Variants in WWOX observed in about 807,000 individuals in gnomAD.
The protein encoded by WWOX is WW domain-containing oxidoreductase.
Under a neutral mutation model 46.2 loss-of-function variants are expected in WWOX, and 69 were observed. The observed-to-expected ratio is 1.49, with a 90% CI of 1.23 to 1.82. The LOEUF is 1.82. Among genes scored for constraint, WWOX ranks in the 40% most tolerant of loss-of-function variants. WWOX has a pLI of 0.00. For synonymous variants in WWOX, 359 were observed against 202.6 expected (o/e 1.77, Z -6.56); for missense variants, 919 against 542.6 (o/e 1.69, Z -6.89).
chr16:78,184,234 G>A (rs1252582863), intron 5 of WWOX, among the ~76,000 whole-genome samples: 1 of 152,004 alleles, frequency 6.6e-6, no homozygotes, highest in African/African-American at 2.4e-5. Flanking sequence ...ACTTCAGCCA[G>A]AGGTAGGATA....
intron 5 of WWOX, among the ~76,000 whole-genome samples, chr16:78,361,518 C>G (rs2081409650): frequency 6.6e-6 from 1 of 152,154 alleles, no homozygotes; most frequent in Non-Finnish European, 1.5e-5. Context: ...TGATGCTTGG[C>G]TAGTGGTGAC....
intron 8 of WWOX, among the ~76,000 whole-genome samples, chr16:78,613,346 C>T (rs1000098986): frequency 3.9e-5 from 6 of 152,150 alleles, no homozygotes; most frequent in African/African-American, 1.4e-4. Flanking sequence ...GATTTGTCCC[C>T]ATGCTGTGTC....
chr16:78,409,513 C>T (rs1214877201), intron 6 of WWOX, among the ~76,000 whole-genome samples: 10 of 152,132 alleles, frequency 6.6e-5, no homozygotes, highest in Admixed American at 6.6e-4. Context: ...ATAATGCATG[C>T]AGTATTTGTC....
intron 8 of WWOX, among the ~76,000 whole-genome samples, chr16:78,888,995 C>T (rs942586772): frequency 6.6e-6 from 1 of 152,028 alleles, no homozygotes; most frequent in African/African-American, 2.4e-5. Context: ...TCCTCCTCAC[C>T]ACCTCCAGCT....
intron 8 of WWOX, among the ~76,000 whole-genome samples, chr16:79,141,783 C>G (rs1003069088): frequency 1.3e-5 from 2 of 151,942 alleles, no homozygotes; most frequent in Non-Finnish European, 2.9e-5. Context: ...TCCATTGCTT[C>G]TTGGTGTTGT....
Position 78,634,849 on chromosome 16 carries a change from T to A in WWOX, c.1056+202097T>A, listed in dbSNP as rs1460953626. Reference sequence around the variant, plus strand: ...GAGAGAGAGAGAGAGTGTGTGTGTGTGTGTGTGTGTGTGTGTGTGTGTGTG... The same window carrying A: ...GAGAGAGAGAGAGAGTGTGTGTGTGAGTGTGTGTGTGTGTGTGTGTGTGTG... On this transcript the variant is annotated intron_variant, in intron 8 of 8. Transcript: ENST00000566780. Among the ~76,000 whole-genome samples, 236 of 144,868 alleles carry A rather than the reference T, an allele frequency of 1.6e-3. 1 individual carries two copies. The highest frequency in any genetic ancestry group is 4.4e-3 in the South Asian group (20 of 4,558).
chr16:78,671,135 C>T (rs1462704131), intron 8 of WWOX, among the ~76,000 whole-genome samples: 1 of 152,124 alleles, frequency 6.6e-6, no homozygotes, highest in Non-Finnish European at 1.5e-5. Context: ...GAATAAATTG[C>T]TGTTGGGCCA....
At chr16:78,294,117 C>T (rs2079904437) in intron 5 of WWOX, among the ~76,000 whole-genome samples, 1 of 151,492 alleles carries the variant, frequency 6.6e-6, no homozygotes, top group Admixed American at 6.6e-5. Flanking sequence ...TCCTCTGCTG[C>T]TGGTCCCTGG....
chr16:78,306,097 C>T (rs1000596601), intron 5 of WWOX, among the ~76,000 whole-genome samples: 1 of 152,038 alleles, frequency 6.6e-6, no homozygotes, highest in African/African-American at 2.4e-5. Context: ...TTGCGTCTCG[C>T]TGCCTGTCTT....
intron 8 of WWOX, chr16:78,891,678 C>G (rs925620754): frequency 1.3e-5 from 2 of 152,176 alleles, no homozygotes; most frequent in African/African-American, 4.8e-5. Flanking sequence ...AGCAGCTAAG[C>G]TGTCTGTTTG....
chr16:78,226,844 C>A (rs4887948), intron 5 of WWOX, among the ~76,000 whole-genome samples: 3 of 152,004 alleles, frequency 2.0e-5, no homozygotes, highest in Non-Finnish European at 2.9e-5. Flanking sequence ...TGCTCCCAGC[C>A]TAAGGATTTC....
At chr16:78,875,662 G>A (rs2044220248) in intron 8 of WWOX, among the ~76,000 whole-genome samples, 1 of 152,122 alleles carries the variant, frequency 6.6e-6, no homozygotes, top group Non-Finnish European at 1.5e-5. Flanking sequence ...AGCTTAGAAA[G>A]ATGGAGGCAA....
intron 8 of WWOX, among the ~76,000 whole-genome samples, chr16:78,647,353 C>T (rs900264850): frequency 6.6e-6 from 1 of 152,118 alleles, no homozygotes; most frequent in South Asian, 2.1e-4. Context: ...ATTGTTTAGC[C>T]CTCCTTCCAC....
At chr16:78,880,484 A>G (rs1279601800) in intron 8 of WWOX, among the ~76,000 whole-genome samples, 1 of 152,230 alleles carries the variant, frequency 6.6e-6, no homozygotes, top group Non-Finnish European at 1.5e-5. Context: ...ATAGTCTACA[A>G]AACAAGAAAT....
chr16:78,858,409 C>A (rs12917882), intron 8 of WWOX, among the ~76,000 whole-genome samples: 21,918 of 150,992 alleles, frequency 0.15, 2,011 homozygotes, highest in Non-Finnish European at 0.21. Flanking sequence ...TAATGGCTGT[C>A]CATGATATAA....
At chr16:78,933,632 T>C (rs979647484) in intron 8 of WWOX, among the ~76,000 whole-genome samples, 11 of 152,162 alleles carry the variant, frequency 7.2e-5, no homozygotes, top group African/African-American at 2.2e-4. Context: ...AAGAAGTTTA[T>C]TGGACTTACA....
At chr16:78,901,987 T>G (rs1037547925) in intron 8 of WWOX, among the ~76,000 whole-genome samples, 2 of 152,174 alleles carry the variant, frequency 1.3e-5, no homozygotes, top group African/African-American at 4.8e-5. Flanking sequence ...AGTGGCAGAT[T>G]TGCCTTAGGA....
intron 8 of WWOX, among the ~76,000 whole-genome samples, chr16:78,472,592 T>A (rs1294648022): frequency 1.3e-5 from 2 of 152,048 alleles, no homozygotes; most frequent in Non-Finnish European, 2.9e-5. Flanking sequence ...GTGGATCACC[T>A]GAGGTCAGGA....
intron 8 of WWOX, among the ~76,000 whole-genome samples, chr16:78,444,156 CAGCTG>C (rs1303998982): frequency 1.3e-5 from 2 of 152,196 alleles, no homozygotes; most frequent in Admixed American, 6.5e-5. Context: ...CTTTGCAAAT[CAGCTG>C]AGCACATGTT....
Sources: gnomAD v4.1 joint callset for allele counts (sites outside exome capture counted in the v4.1 genomes callset) on GRCh38, gnomAD v4.1.1 for gene constraint, MANE v1.5 for transcripts, NCBI Gene and HGNC (gene_info 2026-07-23, HGNC 2026-07-21) for gene names.